Variants in CDKL3 observed in about 807,000 individuals in gnomAD.
CDKL3 encodes cyclin dependent kinase like 3, also known as cyclin-dependent kinase-like 3.
A neutral mutation model predicts 69.3 loss-of-function variants in CDKL3; 65 were observed. The ratio of observed to expected loss-of-function variants is 0.94; its 90% CI spans 0.77 to 1.15. CDKL3 has a LOEUF of 1.15. CDKL3 is among the 50% of genes most tolerant of loss of function. The pLI, the probability that CDKL3 is intolerant of heterozygous loss-of-function variation, is 0.00. For synonymous variants in CDKL3, 202 were observed against 221.6 expected (o/e 0.91, Z 0.79); for missense variants, 652 against 689.2 (o/e 0.95, Z 0.61).
intron 4 of CDKL3, among the ~76,000 whole-genome samples, chr5:134,338,502 C>A (rs1777629835): frequency 6.6e-6 from 1 of 151,318 alleles, no homozygotes; most frequent in Admixed American, 6.6e-5. Flanking sequence ...CCAGCCTGGC[C>A]AATATGGTGA....
intron 3 of CDKL3, among the ~76,000 whole-genome samples, chr5:134,355,493 T>C (rs1341612072): frequency 1.3e-5 from 2 of 152,188 alleles, no homozygotes; most frequent in Non-Finnish European, 2.9e-5. Context: ...TAGACTAGTA[T>C]GTGCAAAGGT....
intron 6 of CDKL3, among the ~76,000 whole-genome samples, chr5:134,314,619 C>T (rs1257058619): frequency 6.6e-6 from 1 of 151,996 alleles, no homozygotes; most frequent in African/African-American, 2.4e-5. Flanking sequence ...TACTACTCTG[C>T]AAAAAAGGAA....
chr5:134,302,727 C>G lies in CDKL3; in HGVS notation c.1622-40G>C, dbSNP rs7730095. The stretch of plus-strand genomic sequence containing the variant: ...TACAAAACAATGAAAATTTGTTATT[C>G]CTACTTTGAAATTTTACTTTCCTTT... On this transcript the variant is annotated intron_variant, in intron 11 of 12. Transcript: ENST00000265334. 1,275 of 1,041,220 alleles carry G rather than the reference C, an allele frequency of 1.2e-3. 16 individuals are homozygous for G. In the African/African-American group the frequency reaches 0.018, roughly 15 times the overall value. 64.5% of individuals were successfully genotyped at this position (1,041,220 alleles called of 1,614,324 possible).
intron 5 of CDKL3, among the ~76,000 whole-genome samples, chr5:134,320,154 G>T (rs116111459): frequency 6.6e-6 from 1 of 152,152 alleles, no homozygotes; most frequent in South Asian, 2.1e-4. Context: ...ACACAAAAAT[G>T]TGAGGTGTCT....
intron 12 of CDKL3, among the ~76,000 whole-genome samples, chr5:134,299,167 C>G (rs1405088148): frequency 6.6e-6 from 1 of 152,144 alleles, no homozygotes; most frequent in Non-Finnish European, 1.5e-5. Context: ...CCACCATGCC[C>G]GACCAATTTC....
chr5:134,369,825 G>A (rs1758158399), upstream of CDKL3, among the ~76,000 whole-genome samples: 1 of 152,120 alleles, frequency 6.6e-6, no homozygotes, highest in South Asian at 2.1e-4. Context: ...TTACAGGCAT[G>A]AGCTAATGCC....
intron 4 of CDKL3, among the ~76,000 whole-genome samples, chr5:134,328,876 C>G (rs1481068082): frequency 6.6e-6 from 1 of 152,140 alleles, no homozygotes; most frequent in East Asian, 1.9e-4. Context: ...AAAGACCTCT[C>G]AACAAAAACG....
In CDKL3 at chr5:134,319,388, C is replaced by T; in HGVS notation, c.762G>A (p.Lys254=). ...CTATATCTGCCAACAATCCATTAAG[C>T]TTTGGATATTTTTTTCTTGCATTTT... The part of the protein sequence containing the change: ...HPKNARKKYP[K]LNGLLADIVH... Residue 254 remains lysine (K), a synonymous_variant, in exon 6 of 13, where the codon AAG becomes AAA. Coordinates refer to ENST00000265334, the MANE Select transcript of CDKL3 (RefSeq NM_001113575.2). 1 of 1,530,770 alleles carries T rather than the reference C, an allele frequency of 6.5e-7. No individual in the cohort carries two copies. Among genetic ancestry groups the T allele is most frequent in the Non-Finnish European group, 8.8e-7 (1 of 1,141,052 alleles). 94.8% of individuals were successfully genotyped at this position (1,530,770 alleles called of 1,614,324 possible).
At chr5:134,339,998 A>C (rs974378892) in intron 4 of CDKL3, among the ~76,000 whole-genome samples, 10 of 151,956 alleles carry the variant, frequency 6.6e-5, no homozygotes, top group Non-Finnish European at 1.5e-4. Flanking sequence ...CAAAAAAATG[A>C]ACAAAATTAG....
At chr5:134,338,284 A>G (rs1027042183) in intron 4 of CDKL3, among the ~76,000 whole-genome samples, 3 of 152,214 alleles carry the variant, frequency 2.0e-5, no homozygotes, top group African/African-American at 7.2e-5. Flanking sequence ...TAACTTTTCT[A>G]TACCTGTATC....
chr5:134,310,785 C>T (rs147193751), intron 7 of CDKL3, among the ~76,000 whole-genome samples: 62 of 152,334 alleles, frequency 4.1e-4, no homozygotes, highest in Middle Eastern at 3.4e-3. Flanking sequence ...CAGCACCTTG[C>T]CAATGGCACT....
chr5:134,360,364 C>A (rs2149648709), intron 2 of CDKL3, among the ~76,000 whole-genome samples: 1 of 152,224 alleles, frequency 6.6e-6, no homozygotes, highest in South Asian at 2.1e-4. Flanking sequence ...ACCACCATGC[C>A]CAGCTCATTT....
At chr5:134,326,835 A>C (rs199547977) in intron 4 of CDKL3, among the ~76,000 whole-genome samples, 1 of 77,416 alleles carries the variant, frequency 1.3e-5, no homozygotes, top group Non-Finnish European at 2.3e-5. Flanking sequence ...ATATATATAT[A>C]TATATATATA....
intron 6 of CDKL3, among the ~76,000 whole-genome samples, chr5:134,317,645 GA>G: frequency 6.6e-6 from 1 of 151,852 alleles, no homozygotes; most frequent in South Asian, 2.1e-4. Context: ...TTTTAAACAG[GA>G]ACTGGCACTG....
chr5:134,368,231 G>GT (rs113562369), upstream of CDKL3, among the ~76,000 whole-genome samples: 1,477 of 152,292 alleles, frequency 9.7e-3, 13 homozygotes, highest in African/African-American at 0.032. Flanking sequence ...AGCTTCTCAA[G>GT]TTTTTTCTAT....
chr5:134,291,842 C>T (rs1226035121), intron 8 of CDKL3, among the ~76,000 whole-genome samples: 5 of 151,674 alleles, frequency 3.3e-5, no homozygotes, highest in African/African-American at 1.2e-4. Flanking sequence ...CACGTATCAG[C>T]TTTACCTTAA....
intron 12 of CDKL3, among the ~76,000 whole-genome samples, chr5:134,301,149 C>T (rs1360975046): frequency 5.9e-5 from 9 of 152,134 alleles, no homozygotes. Context: ...AGGCATGAGC[C>T]ACCACACCCA....
intron 4 of CDKL3, among the ~76,000 whole-genome samples, chr5:134,332,014 T>C (rs1775922397): frequency 1.3e-5 from 2 of 152,182 alleles, no homozygotes. Context: ...TGGTATCTCA[T>C]TGTGGTTTTG....
At chr5:134,324,347 T>C (rs1342018315) in intron 4 of CDKL3, among the ~76,000 whole-genome samples, 1 of 152,242 alleles carries the variant, frequency 6.6e-6, no homozygotes, top group Non-Finnish European at 1.5e-5. Flanking sequence ...CCTTGGGATT[T>C]ACCCAAGTGA....
Sources: gnomAD v4.1 joint callset for allele counts (sites outside exome capture counted in the v4.1 genomes callset) on GRCh38, gnomAD v4.1.1 for gene constraint, MANE v1.5 for transcripts, NCBI Gene and HGNC (gene_info 2026-07-23, HGNC 2026-07-21) for gene names.